FARS2: variants seen among roughly 807,000 people sequenced by gnomAD.
FARS2 encodes phenylalanyl-tRNA synthetase 2, mitochondrial, also known as phenylalanine--tRNA ligase, mitochondrial.
In FARS2, 40 loss-of-function variants were observed where a neutral mutation model predicts 46.4. The ratio of observed to expected loss-of-function variants is 0.86; its 90% CI spans 0.67 to 1.12. The LOEUF is 1.12. FARS2 is among the 50% of genes most tolerant of loss of function. The pLI, the probability that FARS2 is intolerant of heterozygous loss-of-function variation, is 0.00. For synonymous variants in FARS2, 234 were observed against 214.9 expected (o/e 1.09, Z -0.78); for missense variants, 513 against 567.9 (o/e 0.90, Z 0.98).
chr6:5,402,143 C>G (rs372859631), intron 2 of FARS2, among the ~76,000 whole-genome samples: 3 of 151,826 alleles, frequency 2.0e-5, no homozygotes, highest in East Asian at 3.9e-4. Flanking sequence ...TCTTCAATGC[C>G]CCCTCATTAA....
At chr6:5,268,749 G>T (rs1765729498) in intron 1 of FARS2, among the ~76,000 whole-genome samples, 1 of 152,152 alleles carries the variant, frequency 6.6e-6, no homozygotes, top group Admixed American at 6.5e-5. Flanking sequence ...GAAAGTCATT[G>T]GTAGCTTGAT....
chr6:5,726,071 C>G lies in FARS2; in HGVS notation c.1218-45220C>G, dbSNP rs9392712. Among the ~76,000 whole-genome samples, 4 of 152,314 alleles carry G rather than the reference C, an allele frequency of 2.6e-5. No homozygotes were observed. In the East Asian group the frequency reaches 7.7e-4, roughly 29 times the overall value. On this transcript the variant is annotated intron_variant, in intron 6 of 6. Transcript: ENST00000274680. ...ACAGTAGGGCACAGTAGAGGCCTGA[C>G]TTTAAAAGACTAGGTATGCTGCCAC...
Position 5,765,302 on chromosome 6 carries a change from G to A in FARS2, c.1218-5989G>A, listed in dbSNP as rs1235107332. ...CACTGGAGCAGGGACCAGGATCCAA[G>A]TGAAAGTAAGTTTCAGGAAAAGCTT... On this transcript the variant is annotated intron_variant, in intron 6 of 6. Transcript: ENST00000274680. The surrounding 1 kb of genome is among the most constrained non-coding windows in gnomAD (Gnocchi z 4.0). 6.6e-6 allele frequency among the ~76,000 whole-genome samples: 1 copy of A among 152,252 alleles called. No individual in the cohort carries two copies. Among genetic ancestry groups the A allele is most frequent in the Non-Finnish European group, 1.5e-5 (1 of 68,044 alleles).
chr6:5,639,312 C>T (rs1205212560), intron 6 of FARS2, among the ~76,000 whole-genome samples: 1 of 152,228 alleles, frequency 6.6e-6, no homozygotes, highest in African/African-American at 2.4e-5. Context: ...AGTCTCTCTG[C>T]CTTTGCATTT....
chr6:5,585,242 T>C (rs964838241), intron 5 of FARS2, among the ~76,000 whole-genome samples: 11 of 152,358 alleles, frequency 7.2e-5, no homozygotes, highest in African/African-American at 2.4e-4. Flanking sequence ...CTGCATACCT[T>C]GTGTAATGAT....
chr6:5,451,942 A>G (rs961450101), intron 4 of FARS2: 1 of 152,256 alleles, frequency 6.6e-6, no homozygotes, highest in African/African-American at 2.4e-5. Context: ...GGAAACACCT[A>G]TCACATATCA....
At chr6:5,418,719 C>G (rs1394688967) in intron 3 of FARS2, among the ~76,000 whole-genome samples, 1 of 152,104 alleles carries the variant, frequency 6.6e-6, no homozygotes, top group South Asian at 2.1e-4. Context: ...TTCTAGCTAT[C>G]CTGACTTGTC....
intron 4 of FARS2, among the ~76,000 whole-genome samples, chr6:5,520,093 G>T (rs1244616633): frequency 1.3e-5 from 2 of 152,082 alleles, no homozygotes; most frequent in East Asian, 3.9e-4. Context: ...ACCCTCTCTT[G>T]GCCTGGAACT....
intron 4 of FARS2, among the ~76,000 whole-genome samples, chr6:5,510,739 A>G (rs1441877702): frequency 6.6e-6 from 1 of 152,194 alleles, no homozygotes; most frequent in Non-Finnish European, 1.5e-5. Flanking sequence ...ACGGGTTCCC[A>G]GCCTTGTGTC....
At chr6:5,624,199 TC>T (rs1332284165) in intron 6 of FARS2, among the ~76,000 whole-genome samples, 1 of 152,038 alleles carries the variant, frequency 6.6e-6, no homozygotes, top group African/African-American at 2.4e-5. Context: ...ATATCTGTTT[TC>T]CCCTTCTTCC....
At chr6:5,265,464 T>C (rs1307892751) in intron 1 of FARS2, among the ~76,000 whole-genome samples, 2 of 152,194 alleles carry the variant, frequency 1.3e-5, no homozygotes, top group Non-Finnish European at 2.9e-5. Flanking sequence ...GTTATATAAG[T>C]AGAACTTAAC....
intron 2 of FARS2, among the ~76,000 whole-genome samples, chr6:5,389,703 G>C (rs1760365638): frequency 6.6e-6 from 1 of 152,172 alleles, no homozygotes; most frequent in Admixed American, 6.5e-5. Flanking sequence ...TGCAGTTGAA[G>C]TGACATTATT....
At chr6:5,689,626 G>A (rs1228346689) in intron 6 of FARS2, among the ~76,000 whole-genome samples, 1 of 152,006 alleles carries the variant, frequency 6.6e-6, no homozygotes, top group Non-Finnish European at 1.5e-5. Flanking sequence ...CAAGTATGTG[G>A]TCAATTTTGG....
intron 2 of FARS2, among the ~76,000 whole-genome samples, chr6:5,392,440 C>G (rs1056698966): frequency 6.6e-6 from 1 of 152,046 alleles, no homozygotes; most frequent in Admixed American, 6.5e-5. Context: ...TAATAATTTT[C>G]TAAAAATAGC....
chr6:5,570,783 C>T (rs1351767488), intron 5 of FARS2, among the ~76,000 whole-genome samples: 2 of 88,524 alleles, frequency 2.3e-5, no homozygotes, highest in Non-Finnish European at 4.7e-5. Flanking sequence ...AAGCTTTTGG[C>T]AGACCTCTGG....
Position 5,613,316 on chromosome 6 carries a change from C to G in FARS2, c.1213C>G (p.Pro405Ala), listed in dbSNP as rs1775291666. Residue 405 changes from proline (P) to alanine (A), a missense_variant, in exon 6 of 7, where the codon CCA becomes GCA. Coordinates refer to ENST00000274680, the MANE Select transcript of FARS2 (RefSeq NM_006567.5). Reference sequence around the variant, plus strand: ...TGATCTCATAGACAAGTTTGTACATCCAAAGTAAGTGAAAAGCTTTCTGAT... The same window carrying G: ...TGATCTCATAGACAAGTTTGTACATGCAAAGTAAGTGAAAAGCTTTCTGAT... The part of the protein sequence containing the change: ...KVDLIDKFVH[P>A]KTHKTSHCYR... 1 of 1,611,114 alleles carries G rather than the reference C, an allele frequency of 6.2e-7. No individual in the cohort carries two copies. The highest frequency in any genetic ancestry group is 8.5e-7 in the Non-Finnish European group (1 of 1,178,818).
At chr6:5,416,271 A>G (rs1473570933) in intron 3 of FARS2, among the ~76,000 whole-genome samples, 2 of 152,110 alleles carry the variant, frequency 1.3e-5, no homozygotes, top group Non-Finnish European at 2.9e-5. Flanking sequence ...TATAGTTTTC[A>G]GTTTTATATT....
At chr6:5,656,812 G>A (rs1250585658) in intron 6 of FARS2, among the ~76,000 whole-genome samples, 1 of 152,132 alleles carries the variant, frequency 6.6e-6, no homozygotes, top group Non-Finnish European at 1.5e-5. Flanking sequence ...GCCTCCCAAA[G>A]TGCTGGGATT....
intron 1 of FARS2, among the ~76,000 whole-genome samples, chr6:5,326,727 A>G (rs568218087): frequency 2.0e-5 from 3 of 152,338 alleles, no homozygotes; most frequent in Non-Finnish European, 2.9e-5. Flanking sequence ...TTGCTCCGTC[A>G]TCATGAATGG....
Sources: gnomAD v4.1 joint callset for allele counts (sites outside exome capture counted in the v4.1 genomes callset) on GRCh38, gnomAD v4.1.1 for gene constraint, Gnocchi (gnomAD v3.1) non-coding constraint, MANE v1.5 for transcripts, NCBI Gene and HGNC (gene_info 2026-07-23, HGNC 2026-07-21) for gene names.